CD99L2: variants seen among roughly 807,000 people sequenced by gnomAD.
CD99L2 encodes the protein CD99 antigen-like protein 2.
A neutral mutation model predicts 27.3 loss-of-function variants in CD99L2; 24 were observed. The observed-to-expected ratio is 0.88, with a 90% CI of 0.64 to 1.24. The LOEUF is 1.24. Among genes scored for constraint, CD99L2 ranks in the 50% most tolerant of loss-of-function variants. The probability of loss-of-function intolerance (pLI) is 0.00; values close to 1 mark genes in which losing one functional copy is unlikely to be tolerated. For missense variants in CD99L2, 255 were observed against 221.6 expected (o/e 1.15, Z -0.96); for synonymous variants, 97 against 87.9 (o/e 1.10, Z -0.58).
Position 150,814,365 on chromosome X carries a change from C to A in CD99L2, c.277+497G>T, listed in dbSNP as rs181601120. Among the ~76,000 whole-genome samples, 85 of 111,711 alleles carry A rather than the reference C, an allele frequency of 7.6e-4. 1 individual carries two copies. The East Asian group carries it at 0.022, about 28-fold the overall frequency. On this transcript the variant is annotated intron_variant, in intron 4 of 10. Coordinates refer to ENST00000370377, the MANE Select transcript of CD99L2 (RefSeq NM_031462.4). ...AAATATTCCTCCCTTTCCCCACTGC[C>A]TATGGGTGTGAGGCCAGATTTCCTT...
chrX:150,859,655 G>A (rs1244113693), intron 1 of CD99L2, among the ~76,000 whole-genome samples: 2 of 108,885 alleles, frequency 1.8e-5, no homozygotes, highest in African/African-American at 6.7e-5. Context: ...CTGCCACCAC[G>A]CCCAGCTAAT....
At chrX:150,864,743 T>A (rs782569078) in intron 1 of CD99L2, among the ~76,000 whole-genome samples, 1 of 112,686 alleles carries the variant, frequency 8.9e-6, no homozygotes, top group South Asian at 3.6e-4. Context: ...AAAGCACACA[T>A]GCACTCTACA....
chrX:150,840,033 G>A (rs531472845), intron 1 of CD99L2, among the ~76,000 whole-genome samples: 6 of 108,741 alleles, frequency 5.5e-5, no homozygotes, highest in Admixed American at 4.0e-4. Flanking sequence ...GTAAGACTCC[G>A]TCTCAAAGAA....
At chrX:150,788,528 G>A (rs2045635106) in intron 7 of CD99L2, among the ~76,000 whole-genome samples, 1 of 111,298 alleles carries the variant, frequency 9.0e-6, no homozygotes, top group Non-Finnish European at 1.9e-5. Context: ...GAGATAAAGA[G>A]AAAGAATAAT....
chrX:150,862,473 G>GC (rs1292507457), intron 1 of CD99L2, among the ~76,000 whole-genome samples: 1 of 112,035 alleles, frequency 8.9e-6, no homozygotes, highest in African/African-American at 3.2e-5. Flanking sequence ...ACTGGAAAAT[G>GC]CAAGGAATGG....
intron 1 of CD99L2, among the ~76,000 whole-genome samples, chrX:150,894,415 C>G (rs1557422991): frequency 1.8e-5 from 2 of 111,995 alleles, no homozygotes. Flanking sequence ...AACCGTAGCA[C>G]CGAGCAGTTA....
At chrX:150,804,961 G>A (rs1345324498) in intron 4 of CD99L2, among the ~76,000 whole-genome samples, 2 of 111,867 alleles carry the variant, frequency 1.8e-5, no homozygotes, top group Non-Finnish European at 3.8e-5. Flanking sequence ...CGAGGCAGGA[G>A]GATCACCTGA....
intron 7 of CD99L2, among the ~76,000 whole-genome samples, chrX:150,790,880 C>T (rs1357824468): frequency 5.4e-5 from 6 of 111,791 alleles, no homozygotes; most frequent in Non-Finnish European, 1.1e-4. Context: ...TGTATCCCGT[C>T]TCTCAAGGTC....
chrX:150,810,426 T>C, intron 4 of CD99L2, among the ~76,000 whole-genome samples: 1 of 111,458 alleles, frequency 9.0e-6, no homozygotes, highest in Middle Eastern at 4.6e-3. Context: ...CCACAAAAAC[T>C]TATGAGATAC....
chrX:150,882,755 T>C (rs1370964584), intron 1 of CD99L2, among the ~76,000 whole-genome samples: 2 of 110,693 alleles, frequency 1.8e-5, no homozygotes, highest in African/African-American at 6.7e-5. Flanking sequence ...TTTGTGCTTC[T>C]AGTAATGGCA....
chrX:150,848,119 C>CA (rs1485067879), intron 1 of CD99L2, among the ~76,000 whole-genome samples: 6 of 107,339 alleles, frequency 5.6e-5, no homozygotes, highest in South Asian at 4.5e-4. Flanking sequence ...AGGCCCCCCC[C>CA]CCCTTGTACT....
At chrX:150,831,324 T>C in intron 1 of CD99L2, 31 bp from the exon 2 acceptor site, 2 of 1,078,334 alleles carry the variant, frequency 1.9e-6, no homozygotes, top group Non-Finnish European at 2.5e-6. Context: ...TTAAACTATC[T>C]TTGCATAAAA....
At chrX:150,839,770 C>T (rs1301251477) in intron 1 of CD99L2, among the ~76,000 whole-genome samples, 3 of 110,006 alleles carry the variant, frequency 2.7e-5, no homozygotes, top group East Asian at 5.7e-4. Flanking sequence ...TATGGTATCT[C>T]ATGCCTATAA....
intron 1 of CD99L2, among the ~76,000 whole-genome samples, chrX:150,831,596 G>C (rs2046445467): frequency 9.0e-6 from 1 of 111,212 alleles, no homozygotes; most frequent in Non-Finnish European, 1.9e-5. Context: ...GGGCCTATTG[G>C]AGAGTGGAGG....
chrX:150,842,228 C>T (rs2046632927), intron 1 of CD99L2, among the ~76,000 whole-genome samples: 1 of 111,934 alleles, frequency 8.9e-6, no homozygotes, highest in Admixed American at 9.5e-5. Context: ...TTGTGCATGT[C>T]CTTGAGAAGA....
At chrX:150,794,661 G>A (rs918437979) in intron 6 of CD99L2, among the ~76,000 whole-genome samples, 30 of 111,922 alleles carry the variant, frequency 2.7e-4, no homozygotes, top group African/African-American at 7.8e-4. Flanking sequence ...TGTCCTATCC[G>A]AGAAGATTAT....
chrX:150,806,043 G>A (rs1432032860), intron 4 of CD99L2, among the ~76,000 whole-genome samples: 1 of 111,877 alleles, frequency 8.9e-6, no homozygotes, highest in Non-Finnish European at 1.9e-5. Flanking sequence ...ACACTCAGTA[G>A]AAGTAAAACT....
rs1557419792 is a variant in CD99L2, at chrX:150,793,748, C to T, written c.439G>A (p.Asp147Asn). 8.4e-7 allele frequency: 1 copy of T among 1,184,835 alleles called. No homozygotes were observed. Among genetic ancestry groups the T allele is most frequent in the Non-Finnish European group, 1.1e-6 (1 of 881,537 alleles). Residue 147 changes from aspartate (D) to asparagine (N), a missense_variant, in exon 7 of 11, where the codon GAC (aspartate) becomes AAC (asparagine). Physicochemically the swap from Asp to Asn is conservative, Grantham distance 23 (BLOSUM62 1). Coordinates refer to ENST00000370377, the MANE Select transcript of CD99L2 (RefSeq NM_031462.4). Reference protein sequence around the residue: ...KPIAGGGGFSDKDLEDIVGGG... With the variant: ...KPIAGGGGFSNKDLEDIVGGG... ...CCTACTATGTCTTCAAGATCCTTGTCTGAAAAACCTGGAGAAAATAAAACA... is the reference window on the plus strand; with the variant it reads ...CCTACTATGTCTTCAAGATCCTTGTTTGAAAAACCTGGAGAAAATAAAACA...
chrX:150,824,634 AAGG>A (rs1412376293), intron 2 of CD99L2, among the ~76,000 whole-genome samples: 1 of 89,964 alleles, frequency 1.1e-5, no homozygotes, highest in Admixed American at 1.2e-4. Flanking sequence ...GGAGGAGAAG[AAGG>A]AGGAGAAGAA....
Sources: gnomAD v4.1 joint callset for allele counts (sites outside exome capture counted in the v4.1 genomes callset) on GRCh38, gnomAD v4.1.1 for gene constraint, MANE v1.5 for transcripts, NCBI Gene and HGNC (gene_info 2026-07-23, HGNC 2026-07-21) for gene names.